RP1: variants seen among roughly 807,000 people sequenced by gnomAD.
RP1 encodes RP1 axonemal microtubule associated.
RP1 carries 16 observed loss-of-function variants against 14.8 expected under a neutral mutation model. The observed-to-expected ratio is 1.08, with a 90% CI of 0.73 to 1.65. The LOEUF (loss-of-function observed/expected upper bound fraction) is 1.65. Ranked by LOEUF, RP1 falls within the 40% of genes most tolerant of loss-of-function variation. RP1 has a pLI of 0.00. For synonymous variants in RP1, 876 were observed against 883.6 expected, an observed-to-expected ratio of 0.99 and a Z score of 0.15; for missense variants, 2,631 against 2,535.0, an observed-to-expected ratio of 1.04 and a Z score of -0.81.
chr8:54,577,262 C>T (rs1352660428), intron 1 of RP1, among the ~76,000 whole-genome samples: 1 of 152,160 alleles, frequency 6.6e-6, no homozygotes, highest in Non-Finnish European at 1.5e-5. Flanking sequence ...GTGACCTGCC[C>T]ACCTCAGCCT....
intron 7 of RP1, among the ~76,000 whole-genome samples, chr8:54,669,125 C>T (rs1807084175): frequency 1.3e-5 from 2 of 151,898 alleles, no homozygotes; most frequent in South Asian, 2.1e-4. Context: ...TGCAATCTAC[C>T]CATCTGACAA....
chr8:54,585,743 CATTT>C (rs1804905561), intron 1 of RP1, among the ~76,000 whole-genome samples: 1 of 152,110 alleles, frequency 6.6e-6, no homozygotes, highest in Non-Finnish European at 1.5e-5. Flanking sequence ...TCATTTCATT[CATTT>C]AATCTTCCAT....
chr8:54,591,997 G>T (rs988434084), intron 1 of RP1, among the ~76,000 whole-genome samples: 3 of 152,204 alleles, frequency 2.0e-5, no homozygotes, highest in Admixed American at 6.5e-5. Context: ...AACACTAGAA[G>T]TGGGGGAAAT....
intron 21 of RP1, chr8:54,758,801 A>G: frequency 1.0e-6 from 1 of 987,172 alleles, no homozygotes; most frequent in East Asian, 2.6e-5. Context: ...AACTACAGTA[A>G]CATCTCTTTT....
intron 19 of RP1, among the ~76,000 whole-genome samples, chr8:54,753,029 C>T (rs1472685113): frequency 6.6e-6 from 1 of 152,128 alleles, no homozygotes; most frequent in African/African-American, 2.4e-5. Flanking sequence ...TTAATATCCA[C>T]AGTAACCATA....
intron 22 of RP1, among the ~76,000 whole-genome samples, chr8:54,763,183 T>C (rs1344718666): frequency 6.6e-6 from 1 of 152,230 alleles, no homozygotes; most frequent in Non-Finnish European, 1.5e-5. Flanking sequence ...TGTATGCATG[T>C]GTATATGTGA....
At chr8:54,765,887 G>A (rs1809750056) in intron 22 of RP1, among the ~76,000 whole-genome samples, 2 of 152,102 alleles carry the variant, frequency 1.3e-5, no homozygotes, top group Admixed American at 6.5e-5. Flanking sequence ...TTTGTCTCAG[G>A]TACCAGATGA....
At chr8:54,776,003 G>C (rs1272883337) in intron 23 of RP1, among the ~76,000 whole-genome samples, 1 of 152,016 alleles carries the variant, frequency 6.6e-6, no homozygotes, top group South Asian at 2.1e-4. Flanking sequence ...AACAACCACA[G>C]ATTGAAAAGT....
chr8:54,850,989 C>T (rs1348214752), intron 25 of RP1, among the ~76,000 whole-genome samples: 7 of 152,110 alleles, frequency 4.6e-5, no homozygotes, highest in African/African-American at 1.7e-4. Flanking sequence ...TGATAACCAC[C>T]TTGTTCTAAA....
At chr8:54,842,084 G>A (rs192081872) in intron 25 of RP1, among the ~76,000 whole-genome samples, 12 of 152,192 alleles carry the variant, frequency 7.9e-5, no homozygotes, top group Admixed American at 7.2e-4. Flanking sequence ...GATAACAACT[G>A]AGCTAAATTA....
At chr8:54,663,731 G>C (rs1241660593) in exon 7 of RP1, 1 of 1,532,026 alleles carries the variant, frequency 6.5e-7, no homozygotes, top group Non-Finnish European at 8.7e-7. Context: ...GGCAACGGGT[G>C]AGCTATGGAA....
chr8:54,561,915 G>A (rs527741126), intron 1 of RP1: 2 of 152,274 alleles, frequency 1.3e-5, no homozygotes, highest in South Asian at 4.1e-4. Context: ...TAGTAAAACA[G>A]AAATGAAAAT....
intron 19 of RP1, among the ~76,000 whole-genome samples, chr8:54,743,192 A>C (rs1263758092): frequency 6.6e-6 from 1 of 152,230 alleles, no homozygotes; most frequent in African/African-American, 2.4e-5. Flanking sequence ...CCAGTTGTTA[A>C]GGTTGCACTC....
chr8:54,845,116 C>T (rs1272529412), intron 25 of RP1, among the ~76,000 whole-genome samples: 1 of 152,154 alleles, frequency 6.6e-6, no homozygotes, highest in African/African-American at 2.4e-5. Flanking sequence ...GCCAAAGGGC[C>T]AGAAGCTGGG....
chr8:54,630,958 G>T (rs1806236571), downstream of RP1: 2 of 461,312 alleles, frequency 4.3e-6, no homozygotes, highest in African/African-American at 2.1e-5. Context: ...TTGAATAATT[G>T]TGGTGTATTT....
At chr8:54,694,067 C>T (rs1283285964) in intron 12 of RP1, among the ~76,000 whole-genome samples, 3 of 152,068 alleles carry the variant, frequency 2.0e-5, no homozygotes, top group East Asian at 3.9e-4. Context: ...TCTGCATTTA[C>T]TGAGATAATC....
chr8:54,857,103 C>T (rs1812222082), exon 27 of RP1: 19 of 1,212,244 alleles, frequency 1.6e-5, no homozygotes, highest in Non-Finnish European at 2.0e-5. Flanking sequence ...TGGAACAGGT[C>T]CAGGTAAGAT....
At chr8:54,694,109 G>T (rs1246580299) in intron 12 of RP1, among the ~76,000 whole-genome samples, 2 of 152,088 alleles carry the variant, frequency 1.3e-5, no homozygotes, top group Non-Finnish European at 2.9e-5. Flanking sequence ...CTATTTATAT[G>T]CTGGATTACA....
chr8:54,858,309 A>G (rs1406874701), intron 27 of RP1, among the ~76,000 whole-genome samples: 1 of 152,218 alleles, frequency 6.6e-6, no homozygotes, highest in Admixed American at 6.5e-5. Context: ...AGAAGTAAGA[A>G]ATAGAATAGA....
Sources: gnomAD v4.1 joint callset for allele counts (sites outside exome capture counted in the v4.1 genomes callset) on GRCh38, gnomAD v4.1.1 for gene constraint, MANE v1.5 for transcripts, NCBI Gene and HGNC (gene_info 2026-07-23, HGNC 2026-07-21) for gene names.